The following RNLS variants were observed in gnomAD, a reference collection of about 807,000 sequenced individuals.
RNLS encodes renalase.
A neutral mutation model predicts 39.8 loss-of-function variants in RNLS; 39 were observed. The observed-to-expected ratio is 0.98, with a 90% confidence interval of 0.76 to 1.28. The LOEUF (loss-of-function observed/expected upper bound fraction) is 1.28. RNLS is among the 50% of genes most tolerant of loss of function. The pLI is 0.00. For missense variants in RNLS, 410 were observed against 413.3 expected (o/e 0.99, Z 0.07); for synonymous variants, 147 against 150.7 (o/e 0.98, Z 0.18).
At chr10:88,383,531 C>T (rs1483488239) in intron 4 of RNLS, among the ~76,000 whole-genome samples, 2 of 152,134 alleles carry the variant, frequency 1.3e-5, no homozygotes, top group Non-Finnish European at 2.9e-5. Flanking sequence ...TCCACACAAA[C>T]GTGCAGCAGA....
At chr10:88,244,363 T>C in the RNLS span, among the ~76,000 whole-genome samples, 2 of 152,302 alleles carry the variant, frequency 1.3e-5, no homozygotes, top group East Asian at 3.9e-4. Flanking sequence ...GGGGGCTTAT[T>C]AGGAGGCAAC....
intron 4 of RNLS, among the ~76,000 whole-genome samples, chr10:88,370,553 G>A (rs916225511): frequency 6.6e-6 from 1 of 152,122 alleles, no homozygotes; most frequent in African/African-American, 2.4e-5. Flanking sequence ...TCTGATCAAG[G>A]AAACAGCTCT....
intron 4 of RNLS, among the ~76,000 whole-genome samples, chr10:88,367,496 G>T (rs1201477415): frequency 2.6e-5 from 4 of 152,118 alleles, no homozygotes; most frequent in Non-Finnish European, 4.4e-5. Context: ...ATTGTTTGTA[G>T]ATTTTGGTTA....
chr10:88,254,256 C>T, the RNLS span, among the ~76,000 whole-genome samples: 211 of 152,346 alleles, frequency 1.4e-3, no homozygotes, highest in African/African-American at 4.9e-3. Flanking sequence ...CATGGTGTAA[C>T]TGTGACCCTG....
chr10:88,200,726 G>A, the RNLS span, among the ~76,000 whole-genome samples: 3 of 152,208 alleles, frequency 2.0e-5, no homozygotes, highest in Non-Finnish European at 4.4e-5. Flanking sequence ...GACATTTGTT[G>A]TAGTAGATTA....
intron 4 of RNLS, among the ~76,000 whole-genome samples, chr10:88,455,064 C>T (rs1212797831): frequency 6.6e-6 from 1 of 152,082 alleles, no homozygotes; most frequent in African/African-American, 2.4e-5. Context: ...TCAAGAAGTT[C>T]ACAGACTAGT....
At chr10:88,381,887 A>C (rs1851525551) in intron 4 of RNLS, among the ~76,000 whole-genome samples, 2 of 66,176 alleles carry the variant, frequency 3.0e-5, no homozygotes, top group Admixed American at 3.5e-4. Context: ...TAAGTGATTG[A>C]AAAATACAAA....
At chr10:88,312,380 A>G (rs974576129) in intron 6 of RNLS, among the ~76,000 whole-genome samples, 1 of 152,202 alleles carries the variant, frequency 6.6e-6, no homozygotes, top group African/African-American at 2.4e-5. Flanking sequence ...GGGCCTCTAG[A>G]AAGAAATGCA....
At chr10:88,242,808 G>A in the RNLS span, among the ~76,000 whole-genome samples, 28 of 152,222 alleles carry the variant, frequency 1.8e-4, no homozygotes, top group African/African-American at 4.1e-4. Flanking sequence ...TTAGCCAGGC[G>A]TGGTGGTGCA....
At chr10:88,535,342 C>G (rs1172781131) in intron 4 of RNLS, among the ~76,000 whole-genome samples, 2 of 151,578 alleles carry the variant, frequency 1.3e-5, no homozygotes, top group Non-Finnish European at 2.9e-5. Flanking sequence ...TTGACTGAAA[C>G]CAAGAAGGCA....
At chr10:88,519,963 C>T (rs1477134684) in intron 4 of RNLS, among the ~76,000 whole-genome samples, 1 of 151,910 alleles carries the variant, frequency 6.6e-6, no homozygotes, top group Non-Finnish European at 1.5e-5. Flanking sequence ...ATGGATACCA[C>T]AATCTCCTGT....
At chr10:88,321,334 T>G (rs899414262) in intron 5 of RNLS, among the ~76,000 whole-genome samples, 1 of 152,052 alleles carries the variant, frequency 6.6e-6, no homozygotes, top group Admixed American at 6.6e-5. Flanking sequence ...CTGCTAAATG[T>G]TTACATCAAA....
At chr10:88,331,210 C>T (rs1034249659) in intron 5 of RNLS, among the ~76,000 whole-genome samples, 2 of 152,150 alleles carry the variant, frequency 1.3e-5, no homozygotes, top group South Asian at 4.1e-4. Flanking sequence ...CCTGGGACAC[C>T]CTTATTCACA....
intron 4 of RNLS, among the ~76,000 whole-genome samples, chr10:88,530,049 G>A (rs189056682): frequency 6.5e-4 from 99 of 152,254 alleles, no homozygotes; most frequent in Non-Finnish European, 1.1e-3. Context: ...ATGTTTTCCA[G>A]GCAACATTAC....
intron 4 of RNLS, among the ~76,000 whole-genome samples, chr10:88,408,930 T>C (rs1231278871): frequency 6.6e-6 from 1 of 152,262 alleles, no homozygotes; most frequent in South Asian, 2.1e-4. Flanking sequence ...AAAATGTTTT[T>C]AAAAATGATG....
intron 4 of RNLS, among the ~76,000 whole-genome samples, chr10:88,494,114 T>C (rs1327602219): frequency 6.6e-6 from 1 of 152,086 alleles, no homozygotes; most frequent in Non-Finnish European, 1.5e-5. Flanking sequence ...GCATTCACAA[T>C]GACAGATATT....
chr10:88,422,591 G>C (rs1854471011), intron 4 of RNLS, among the ~76,000 whole-genome samples: 1 of 152,118 alleles, frequency 6.6e-6, no homozygotes, highest in Admixed American at 6.6e-5. Context: ...CTAAACCTCA[G>C]AACCTTTGGT....
intron 4 of RNLS, among the ~76,000 whole-genome samples, chr10:88,387,502 C>CAAAAAA (rs5786817): frequency 2.9e-5 from 2 of 70,122 alleles, no homozygotes; most frequent in Non-Finnish European, 5.1e-5. Flanking sequence ...GAGAACAGAG[C>CAAAAAA]AAAAAAAAAA....
chr10:88,505,993 C>T (rs988123983), intron 4 of RNLS, among the ~76,000 whole-genome samples: 1 of 152,102 alleles, frequency 6.6e-6, no homozygotes, highest in Non-Finnish European at 1.5e-5. Context: ...GACTGGGCTC[C>T]AACACAGACC....
Sources: allele counts gnomAD v4.1 joint callset (sites outside exome capture counted in the v4.1 genomes callset), GRCh38; gene constraint gnomAD v4.1.1; transcripts MANE v1.5; gene names NCBI Gene and HGNC (gene_info 2026-07-23, HGNC 2026-07-21).